The following ACTR10 variants were observed in gnomAD, a reference collection of about 807,000 sequenced individuals.
ACTR10 encodes the protein actin related protein 10.
ACTR10 carries 43 observed loss-of-function variants against 56.2 expected under a neutral mutation model. The ratio of observed to expected loss-of-function variants is 0.77; its 90% CI spans 0.60 to 0.99. The LOEUF (loss-of-function observed/expected upper bound fraction) is 0.99, where lower values mean the gene tolerates loss of function less well. ACTR10 is among the 50% of genes least tolerant of loss of function. ACTR10 has a pLI of 0.00. For missense variants in ACTR10, 466 were observed against 507.8 expected (o/e 0.92, Z 0.79); for synonymous variants, 170 against 176.3 (o/e 0.96, Z 0.28).
chr14:58,214,077 A>G (rs976687991), intron 6 of ACTR10, among the ~76,000 whole-genome samples: 8 of 152,212 alleles, frequency 5.3e-5, no homozygotes, highest in African/African-American at 1.9e-4. Context: ...TATTGTCTAC[A>G]GTCACCCTGT....
chr14:58,223,360 A>T (rs1404898221), intron 8 of ACTR10: 1 of 349,858 alleles, frequency 2.9e-6, no homozygotes, highest in Non-Finnish European at 5.2e-6. Context: ...CTGGTCTCGA[A>T]CTCCTGACCT....
intron 2 of ACTR10, among the ~76,000 whole-genome samples, chr14:58,205,046 C>T (rs1490877350): frequency 6.6e-6 from 1 of 151,832 alleles, no homozygotes; most frequent in African/African-American, 2.4e-5. Flanking sequence ...CAAGGAGAAA[C>T]CCTATCTCTA....
chr14:58,229,497 T>C (rs1889479158), intron 10 of ACTR10, among the ~76,000 whole-genome samples: 1 of 151,884 alleles, frequency 6.6e-6, no homozygotes, highest in African/African-American at 2.4e-5. Flanking sequence ...GCTAACACGG[T>C]GAAACCCCGT....
At position 58,229,531 on chromosome 14, in the gene ACTR10, AG is replaced by A. The variant is rs910707181; in HGVS notation, c.789-867del. ...GTCTCTACTAAAAATACAAAAAATT[AG>A]CCGGGCGCGGTGGCGGGCACCTGTA... On this transcript the variant is annotated intron_variant, in intron 10 of 12. Transcript: ENST00000254286. 3.2e-4 allele frequency among the ~76,000 whole-genome samples: 48 copies of A among 151,880 alleles called. 1 individual carries two copies. The highest frequency in any genetic ancestry group is 6.3e-4 in the Non-Finnish European group (43 of 67,976).
intron 1 of ACTR10, among the ~76,000 whole-genome samples, chr14:58,202,181 T>C (rs987866918): frequency 2.0e-5 from 3 of 152,114 alleles, no homozygotes; most frequent in African/African-American, 7.2e-5. Flanking sequence ...ATTAGAATGA[T>C]GGAATTATGA....
At chr14:58,230,589 T>C in intron 11 of ACTR10, 109 bp downstream of exon 11, 2 of 461,470 alleles carry the variant, frequency 4.3e-6, no homozygotes, top group South Asian at 1.1e-4. Flanking sequence ...ATTTTTAATA[T>C]GTGTCAACAA....
At position 58,223,735 on chromosome 14, in the gene ACTR10, A is replaced by C. The variant is rs201871792; in HGVS notation, c.714+34A>C. On this transcript the variant is annotated intron_variant, in intron 9 of 12. Coordinates refer to ENST00000254286, the MANE Select transcript of ACTR10 (RefSeq NM_018477.3). ...AAAAAAAAAAAAGGCATCTTTTTGC[A>C]AAGGTTACAACATGTGTGGACTTAT... The C allele has an allele frequency of 7.4e-5, 118 of 1,600,798 alleles. 1 individual carries two copies. In the East Asian group the frequency reaches 2.6e-3, roughly 35 times the overall value.
intron 10 of ACTR10, among the ~76,000 whole-genome samples, chr14:58,227,012 C>G (rs1205163929): frequency 2.0e-5 from 3 of 152,002 alleles, no homozygotes; most frequent in Non-Finnish European, 4.4e-5. Flanking sequence ...AAGGAAAGGA[C>G]CATTATAAAA....
At chr14:58,233,247 T>C (rs965482201) in intron 12 of ACTR10, among the ~76,000 whole-genome samples, 1 of 152,158 alleles carries the variant, frequency 6.6e-6, no homozygotes, top group African/African-American at 2.4e-5. Context: ...CCTCTTTAAT[T>C]TATGAGTATA....
intron 2 of ACTR10, among the ~76,000 whole-genome samples, chr14:58,204,415 T>G (rs1263387846): frequency 3.3e-5 from 5 of 149,290 alleles, no homozygotes; most frequent in Non-Finnish European, 5.9e-5. Flanking sequence ...ATCGTGGAGG[T>G]GGTGCGCACC....
chr14:58,234,337 A>T lies in ACTR10; in HGVS notation c.1073-33A>T, dbSNP rs764939750. On this transcript the variant is annotated intron_variant, in intron 12 of 12. Transcript: ENST00000254286. ...ATAAAGTTTTCTGGTAAAAGTTTTCATCTTAGCTATAAAAAATATTTTTGT... is the reference window on the plus strand; with the variant it reads ...ATAAAGTTTTCTGGTAAAAGTTTTCTTCTTAGCTATAAAAAATATTTTTGT... 4 of 1,516,942 alleles carry T rather than the reference A, an allele frequency of 2.6e-6. No homozygotes were observed. The African/African-American group carries it at 5.6e-5, about 21-fold the overall frequency. 94.0% of individuals were successfully genotyped at this position (1,516,942 alleles called of 1,614,324 possible).
intron 10 of ACTR10, among the ~76,000 whole-genome samples, chr14:58,228,432 A>G (rs1050812880): frequency 1.3e-5 from 2 of 152,134 alleles, no homozygotes. Context: ...CAGCCTGGCC[A>G]ACATGGCAAA....
chr14:58,203,302 C>CAAAAAAAAAAAA (rs11384472), intron 2 of ACTR10, among the ~76,000 whole-genome samples: 1 of 105,466 alleles, frequency 9.5e-6, no homozygotes, highest in African/African-American at 4.0e-5. Context: ...GACTTCGTCT[C>CAAAAAAAAAAAA]AAAAAAAAAA....
At chr14:58,211,155 A>G in intron 4 of ACTR10, 137 bp from the exon 5 acceptor site, 1 of 587,292 alleles carries the variant, frequency 1.7e-6, no homozygotes. Flanking sequence ...CTCTCATAAA[A>G]TGGTTGAGTA....
intron 10 of ACTR10, among the ~76,000 whole-genome samples, chr14:58,229,987 G>A (rs936448213): frequency 1.3e-5 from 2 of 152,016 alleles, no homozygotes; most frequent in African/African-American, 2.4e-5. Context: ...CAAAGAAATG[G>A]GGGGTGATTG....
intron 2 of ACTR10, among the ~76,000 whole-genome samples, chr14:58,205,293 G>C (rs1490653886): frequency 6.6e-6 from 1 of 150,938 alleles, no homozygotes; most frequent in Non-Finnish European, 1.5e-5. Context: ...TTTATATTTG[G>C]CATTTACATA....
intron 2 of ACTR10, among the ~76,000 whole-genome samples, chr14:58,206,608 A>C (rs547390988): frequency 6.6e-6 from 1 of 152,346 alleles, no homozygotes; most frequent in Admixed American, 6.5e-5. Flanking sequence ...TTCTTTTGAA[A>C]GAGTAAATGA....
At chr14:58,224,982 T>A (rs1320283869) in intron 10 of ACTR10, among the ~76,000 whole-genome samples, 70 of 142,982 alleles carry the variant, frequency 4.9e-4, no homozygotes, top group Non-Finnish European at 8.3e-4. Flanking sequence ...AGAGCAAAAC[T>A]CCATCTCAAA....
At chr14:58,215,430 T>G (rs1263286443) in intron 7 of ACTR10, 146 bp downstream of exon 7, 2 of 496,112 alleles carry the variant, frequency 4.0e-6, no homozygotes, top group Non-Finnish European at 7.1e-6. Flanking sequence ...AGCTCACCAT[T>G]GAACTTTTAA....
Sources: allele counts gnomAD v4.1 joint callset (sites outside exome capture counted in the v4.1 genomes callset), GRCh38; gene constraint gnomAD v4.1.1; transcripts MANE v1.5; gene names NCBI Gene and HGNC (gene_info 2026-07-23, HGNC 2026-07-21).